The following JAK2 variants were observed in gnomAD, a reference collection of about 807,000 sequenced individuals.
JAK2 encodes the protein Janus kinase 2, also known as tyrosine-protein kinase JAK2.
Under a neutral mutation model 139.3 loss-of-function variants are expected in JAK2, and 86 were observed. That is an observed-to-expected ratio of 0.62 (90% CI 0.52 to 0.74). The LOEUF is 0.74. Ranked by LOEUF, JAK2 falls within the 30% of genes least tolerant of loss-of-function variation. The probability of loss-of-function intolerance (pLI) is 0.00; values close to 1 mark genes in which losing one functional copy is unlikely to be tolerated. For missense variants in JAK2, 1,421 were observed against 1,360.3 expected, an observed-to-expected ratio of 1.04 and a Z score of -0.70; for synonymous variants, 490 against 437.7, an observed-to-expected ratio of 1.12 and a Z score of -1.49.
At chr9:5,116,391 TGTC>T (rs751120107) in intron 22 of JAK2, among the ~76,000 whole-genome samples, 10 of 152,354 alleles carry the variant, frequency 6.6e-5, no homozygotes, top group South Asian at 2.1e-4. Context: ...TTTGAGGAAA[TGTC>T]GTCATGATAA....
At chr9:5,105,728 G>A (rs896926134) in intron 22 of JAK2, among the ~76,000 whole-genome samples, 1 of 152,092 alleles carries the variant, frequency 6.6e-6, no homozygotes, top group Admixed American at 6.5e-5. Context: ...TAGACCAATG[G>A]AACAGAACAG....
At chr9:5,114,044 T>C (rs925110617) in intron 22 of JAK2, 2 of 318,886 alleles carry the variant, frequency 6.3e-6, no homozygotes, top group African/African-American at 2.2e-5. Flanking sequence ...TACTGGAGGA[T>C]GAGCTGGCCT....
At chr9:5,031,127 C>G (rs1290433464) in intron 4 of JAK2, among the ~76,000 whole-genome samples, 1 of 152,084 alleles carries the variant, frequency 6.6e-6, no homozygotes, top group African/African-American at 2.4e-5. Flanking sequence ...TGGAATATTA[C>G]AAAGATCAAT....
At chr9:5,022,287 A>G in intron 3 of JAK2, 74 bp downstream of exon 3, 3 of 888,980 alleles carry the variant, frequency 3.4e-6, no homozygotes, top group South Asian at 3.5e-5. Flanking sequence ...TACTAGGTAC[A>G]TGCATAATAT....
chr9:5,044,435 G>C lies in JAK2; in HGVS notation c.383G>C (p.Ser128Thr). ...FYFPRWYCSG[S>T]NRAYRHGISR... is the part of the protein sequence containing the mutation. The stretch of plus-strand genomic sequence containing the variant: ...TTTCCTCGTTGGTATTGCAGTGGCA[G>C]CAACAGAGCCTATCGGCATGGAATA... The change falls in exon 5 of 25, where the codon AGC (serine) becomes ACC (threonine). Residue 128 changes from serine to threonine, a missense_variant. By Grantham distance (58) the Ser-to-Thr change is moderately conservative. Coordinates refer to ENST00000381652, the MANE Select transcript of JAK2 (RefSeq NM_004972.4). The C allele has an allele frequency of 6.2e-7, 1 of 1,612,856 alleles. No homozygotes were observed. The highest frequency in any genetic ancestry group is 8.5e-7 in the Non-Finnish European group (1 of 1,179,312).
rs1824154020 is a variant in JAK2, at chr9:5,128,598, T to A, written c.*1807T>A. Among the ~76,000 whole-genome samples the A allele has an allele frequency of 6.6e-6, 1 of 151,926 alleles. No homozygotes were observed. Among genetic ancestry groups the A allele is most frequent in the African/African-American group, 2.4e-5 (1 of 41,438 alleles). ...TTTAAAACAAGATGTGAACTAACTTTTCTTAAACATTTTTTTAAATGCTTC... is the reference window on the plus strand; with the variant it reads ...TTTAAAACAAGATGTGAACTAACTTATCTTAAACATTTTTTTAAATGCTTC... On this transcript the variant is annotated 3_prime_UTR_variant, in exon 25 of 25. Coordinates refer to ENST00000381652, the MANE Select transcript of JAK2 (RefSeq NM_004972.4).
At chr9:5,031,555 A>G (rs1823149378) in intron 4 of JAK2, among the ~76,000 whole-genome samples, 1 of 152,220 alleles carries the variant, frequency 6.6e-6, no homozygotes, top group East Asian at 1.9e-4. Flanking sequence ...AATGTATATC[A>G]GATAAATTAT....
At chr9:5,025,938 G>A (rs979926528) in intron 3 of JAK2, among the ~76,000 whole-genome samples, 1 of 152,172 alleles carries the variant, frequency 6.6e-6, no homozygotes, top group Admixed American at 6.5e-5. Flanking sequence ...TTGGCATAAT[G>A]TTGTTCTAGC....
rs1822477778 is a variant in JAK2 at position 5,111,151 on chromosome 9, C to G, written c.3060-11853C>G. 5.7e-6 allele frequency: 5 copies of G among 873,046 alleles called. No individual in the cohort carries two copies. In the Admixed American group the frequency reaches 1.0e-4, roughly 18 times the overall value. The allele number at this position is 873,046 out of a possible 1,614,324, so 54.1% of individuals were successfully genotyped here. ...CTGGACGTTCAGCGAAGGCGCTCAA[C>G]TTGCTGAGTCGCACGGCAGCCACTC... On this transcript the variant is annotated intron_variant, in intron 22 of 24. Coordinates refer to ENST00000381652, the MANE Select transcript of JAK2 (RefSeq NM_004972.4).
chr9:5,058,143 G>C (rs1433396517), intron 8 of JAK2, among the ~76,000 whole-genome samples: 1 of 152,148 alleles, frequency 6.6e-6, no homozygotes, highest in Non-Finnish European at 1.5e-5. Context: ...TAATGCTGCT[G>C]TGAACATGGG....
intron 14 of JAK2, among the ~76,000 whole-genome samples, chr9:5,074,069 T>TGGCA (rs1819148144): frequency 6.6e-6 from 1 of 152,190 alleles, no homozygotes; most frequent in African/African-American, 2.4e-5. Context: ...AAAGAGATTA[T>TGGCA]GGCAGGTTCA....
rs1484433251 is a variant in JAK2 at position 5,044,431 on chromosome 9, G to T, written c.379G>T (p.Gly127Cys). 5 of 1,612,182 alleles carry T rather than the reference G, an allele frequency of 3.1e-6. No individual in the cohort carries two copies. The highest frequency in any genetic ancestry group is 1.1e-5 in the South Asian group (1 of 90,800). The change falls in exon 5 of 25, where the codon GGC (glycine) becomes TGC (cysteine). Residue 127 changes from glycine (G) to cysteine (C), a missense_variant. Coordinates refer to ENST00000381652, the MANE Select transcript of JAK2 (RefSeq NM_004972.4). ...RFYFPRWYCS[G>C]SNRAYRHGIS... ...TTACTTTCCTCGTTGGTATTGCAGT[G>T]GCAGCAACAGAGCCTATCGGCATGG...
At chr9:5,108,510 C>T (rs1271983151) in intron 22 of JAK2, 1 of 152,086 alleles carries the variant, frequency 6.6e-6, no homozygotes, top group Admixed American at 6.5e-5. Context: ...TCTTATATGA[C>T]TAGCATGTAT....
rs889127435 is a variant in JAK2 at position 5,129,349 on chromosome 9, G to T, written c.*2558G>T. ...GAAACGGGCCACACACCTTGGTTTAGGGATGTTGTGATAGCTTACCTTCCA... is the reference window on the plus strand; with the variant it reads ...GAAACGGGCCACACACCTTGGTTTATGGATGTTGTGATAGCTTACCTTCCA... On this transcript the variant is annotated 3_prime_UTR_variant, in exon 25 of 25. Coordinates refer to ENST00000381652, the MANE Select transcript of JAK2 (RefSeq NM_004972.4). Among the ~76,000 whole-genome samples the T allele has an allele frequency of 1.3e-5, 2 of 152,096 alleles. No homozygotes were observed. The highest frequency in any genetic ancestry group is 4.8e-5 in the African/African-American group (2 of 41,420).
chr9:5,091,011 G>T (rs1820530001), intron 22 of JAK2, 100 bp downstream of exon 22: 3 of 900,186 alleles, frequency 3.3e-6, no homozygotes, highest in Middle Eastern at 7.1e-4. Flanking sequence ...TACAGTAACA[G>T]TGAACATTTA....
chr9:4,994,161 T>C (rs1820426010), intron 2 of JAK2, among the ~76,000 whole-genome samples: 1 of 152,252 alleles, frequency 6.6e-6, no homozygotes, highest in South Asian at 2.1e-4. Context: ...TTTGGAATCT[T>C]TACTTAGAAG....
intron 2 of JAK2, among the ~76,000 whole-genome samples, chr9:4,987,276 G>A (rs568041541): frequency 2.0e-5 from 3 of 152,254 alleles, no homozygotes; most frequent in African/African-American, 7.2e-5. Flanking sequence ...GTGTGCCTTT[G>A]GTGATTTGAG....
chr9:5,016,642 AC>A (rs1822078487), intron 2 of JAK2, among the ~76,000 whole-genome samples: 1 of 152,200 alleles, frequency 6.6e-6, no homozygotes, highest in Admixed American at 6.5e-5. Context: ...AAGTGAACAC[AC>A]CTTTGTTAAC....
chr9:4,991,556 T>G (rs1820248318), intron 2 of JAK2, among the ~76,000 whole-genome samples: 1 of 152,210 alleles, frequency 6.6e-6, no homozygotes, highest in Admixed American at 6.5e-5. Flanking sequence ...GTGAGTCTTG[T>G]CTATTGAGGG....
Sources: allele counts gnomAD v4.1 joint callset (sites outside exome capture counted in the v4.1 genomes callset), GRCh38; gene constraint gnomAD v4.1.1; transcripts MANE v1.5; gene names NCBI Gene and HGNC (gene_info 2026-07-23, HGNC 2026-07-21).